BCKDHB: variants seen among roughly 807,000 people sequenced by gnomAD.
BCKDHB encodes branched chain keto acid dehydrogenase E1 subunit beta.
BCKDHB carries 41 observed loss-of-function variants against 48.5 expected under a neutral mutation model. The ratio of observed to expected loss-of-function variants is 0.85; its 90% CI spans 0.66 to 1.10. The LOEUF is 1.10. Ranked by LOEUF, BCKDHB falls within the 50% of genes least tolerant of loss-of-function variation. BCKDHB has a pLI of 0.00. For synonymous variants in BCKDHB, 201 were observed against 174.8 expected (o/e 1.15, Z -1.18); for missense variants, 496 against 494.2 (o/e 1.00, Z -0.03).
chr6:80,445,918 A>G, the BCKDHB span, among the ~76,000 whole-genome samples: 10 of 152,194 alleles, frequency 6.6e-5, no homozygotes. Flanking sequence ...TAAATACCAT[A>G]GGCCATCTCT....
intron 8 of BCKDHB, among the ~76,000 whole-genome samples, chr6:80,219,750 T>C (rs1357229936): frequency 6.6e-6 from 1 of 152,218 alleles, no homozygotes; most frequent in Non-Finnish European, 1.5e-5. Flanking sequence ...AAAATGTTTT[T>C]ATTTGGACTC....
intron 8 of BCKDHB, among the ~76,000 whole-genome samples, chr6:80,208,777 A>G (rs1380388426): frequency 1.3e-5 from 2 of 151,874 alleles, no homozygotes; most frequent in Non-Finnish European, 2.9e-5. Flanking sequence ...ATTAAATTTA[A>G]TGTTATTAAC....
the BCKDHB span, among the ~76,000 whole-genome samples, chr6:80,379,833 A>G: frequency 1.3e-5 from 2 of 152,004 alleles, no homozygotes; most frequent in Non-Finnish European, 2.9e-5. Flanking sequence ...TAAGAACTCA[A>G]TCTATTTACA....
In BCKDHB at chr6:80,106,746, G is replaced by C. The variant is rs1317124895; in HGVS notation, c.53G>C (p.Gly18Ala). 3 of 1,569,290 alleles carry C rather than the reference G, an allele frequency of 1.9e-6. No homozygotes were observed. The highest frequency in any genetic ancestry group is 1.4e-5 in the African/African-American group (1 of 73,740). The change falls in exon 1 of 10, where the codon GGG becomes GCG. Residue 18 changes from glycine (G) to alanine (A), a missense_variant. Gly to Ala is a moderately conservative substitution (Grantham distance 60, BLOSUM62 0). Coordinates refer to ENST00000320393, the MANE Select transcript of BCKDHB (RefSeq NM_183050.4). ...AGWLLRLRAAGAEGHWRRLPG... is the reference protein window; with the variant it reads ...AGWLLRLRAAAAEGHWRRLPG... ...TGGCTACTCAGGCTCAGGGCGGCAG[G>C]GGCTGAGGGGCACTGGCGTCGGCTT... is the stretch of plus-strand genomic sequence containing the variant.
At chr6:80,374,530 AT>A in the BCKDHB span, 5 of 723,848 alleles carry the variant, frequency 6.9e-6, no homozygotes, top group Non-Finnish European at 1.3e-5. Context: ...GATTTGCATG[AT>A]TTTGTGGGGT....
rs146903199 is a variant in BCKDHB, at chr6:80,129,748, G to A, written c.343+519G>A. 7.5e-4 allele frequency among the ~76,000 whole-genome samples: 114 copies of A among 152,248 alleles called. 1 individual carries two copies. In the East Asian group the frequency reaches 0.022, roughly 29 times the overall value. On this transcript the variant is annotated intron_variant, in intron 3 of 9. Transcript: ENST00000320393. Reference sequence around the variant, plus strand: ...AAACTCAGGCAGGGTTTCTGTTTTAGCCTTGAGGCTGAATTTCTTTTTGCT... The same window carrying A: ...AAACTCAGGCAGGGTTTCTGTTTTAACCTTGAGGCTGAATTTCTTTTTGCT...
the BCKDHB span, among the ~76,000 whole-genome samples, chr6:80,430,569 A>C: frequency 1.1e-4 from 16 of 150,446 alleles, no homozygotes; most frequent in African/African-American, 3.4e-4. Context: ...CAGGGATTCA[A>C]TTTTCCATTT....
chr6:80,313,108 C>G (rs1768249735), intron 9 of BCKDHB, among the ~76,000 whole-genome samples: 1 of 152,022 alleles, frequency 6.6e-6, no homozygotes, highest in African/African-American at 2.4e-5. Flanking sequence ...TTTCAGAACT[C>G]GTTATTAGTC....
chr6:80,147,591 G>C (rs1771549287), intron 3 of BCKDHB, among the ~76,000 whole-genome samples: 1 of 152,154 alleles, frequency 6.6e-6, no homozygotes, highest in Non-Finnish European at 1.5e-5. Context: ...GAGAAGCTGA[G>C]ACTAAAAGCA....
At chr6:80,120,471 CCCA>C (rs1340193602) in intron 1 of BCKDHB, among the ~76,000 whole-genome samples, 17 of 152,272 alleles carry the variant, frequency 1.1e-4, no homozygotes, top group Admixed American at 9.2e-4. Context: ...AATTTACACT[CCCA>C]CCAAGAGTGT....
the BCKDHB span, among the ~76,000 whole-genome samples, chr6:80,390,056 G>T: frequency 9.9e-5 from 15 of 152,102 alleles, no homozygotes; most frequent in Non-Finnish European, 1.9e-4. Context: ...GGACACTTTG[G>T]GGTCCTCTTA....
intron 9 of BCKDHB, among the ~76,000 whole-genome samples, chr6:80,339,563 G>A (rs1226687905): frequency 6.6e-6 from 1 of 152,132 alleles, no homozygotes; most frequent in Non-Finnish European, 1.5e-5. Context: ...CAATCCAGAT[G>A]GCTAATATAT....
intron 9 of BCKDHB, among the ~76,000 whole-genome samples, chr6:80,323,685 T>G (rs1256151642): frequency 1.3e-5 from 2 of 152,192 alleles, no homozygotes; most frequent in Non-Finnish European, 1.5e-5. Context: ...CATAACTCAC[T>G]TTCATATTCC....
At chr6:80,331,500 A>G (rs756278157) in intron 9 of BCKDHB, among the ~76,000 whole-genome samples, 2 of 152,176 alleles carry the variant, frequency 1.3e-5, no homozygotes, top group African/African-American at 2.4e-5. Context: ...GATCCAATAA[A>G]TTTATCAATA....
the BCKDHB span, among the ~76,000 whole-genome samples, chr6:80,445,767 A>G: frequency 6.6e-6 from 1 of 152,184 alleles, no homozygotes; most frequent in Non-Finnish European, 1.5e-5. Flanking sequence ...AATGAAACAT[A>G]TTAATATTTC....
intron 8 of BCKDHB, among the ~76,000 whole-genome samples, chr6:80,263,632 A>G (rs1052617758): frequency 6.6e-6 from 1 of 152,176 alleles, no homozygotes; most frequent in African/African-American, 2.4e-5. Context: ...AGTTTTAGAA[A>G]ATAGGACCAT....
the BCKDHB span, among the ~76,000 whole-genome samples, chr6:80,436,626 G>T: frequency 7.9e-5 from 12 of 152,118 alleles, no homozygotes; most frequent in Non-Finnish European, 1.3e-4. Context: ...AAACCACTGC[G>T]AATTTAGAGG....
chr6:80,133,786 G>A (rs1770747310), intron 3 of BCKDHB, among the ~76,000 whole-genome samples: 2 of 152,012 alleles, frequency 1.3e-5, no homozygotes, highest in African/African-American at 2.4e-5. Flanking sequence ...GGGACTACAG[G>A]TGCCCACCAC....
At chr6:80,261,700 T>C (rs1391357161) in intron 8 of BCKDHB, among the ~76,000 whole-genome samples, 1 of 152,100 alleles carries the variant, frequency 6.6e-6, no homozygotes, top group Non-Finnish European at 1.5e-5. Context: ...CCTTATTATC[T>C]CCCTAGAATT....
Sources: allele counts gnomAD v4.1 joint callset (sites outside exome capture counted in the v4.1 genomes callset), GRCh38; gene constraint gnomAD v4.1.1; transcripts MANE v1.5; gene names NCBI Gene and HGNC (gene_info 2026-07-23, HGNC 2026-07-21).